SYT7: variants seen among roughly 807,000 people sequenced by gnomAD.
SYT7 encodes synaptotagmin-7.
A neutral mutation model predicts 75.1 loss-of-function variants in SYT7; 29 were observed. That is an observed-to-expected ratio of 0.39 (90% confidence interval 0.29 to 0.53). SYT7 has a LOEUF of 0.53. SYT7 is among the 20% of genes least tolerant of loss of function. The probability of loss-of-function intolerance (pLI) is 0.77; values close to 1 mark genes in which losing one functional copy is unlikely to be tolerated. For synonymous variants in SYT7, 376 were observed against 401.7 expected (o/e 0.94, Z 0.76); for missense variants, 693 against 953.2 (o/e 0.73, Z 3.59).
chr11:61,517,154 G>T lies in SYT7; in HGVS notation c.*1473C>A, dbSNP rs530309912. ...CAGGCCCAGGCTCGTGGACCCCCAG[G>T]ATTGGAGGCTTTGTCACCAGCTGGG... On this transcript the variant is annotated 3_prime_UTR_variant, in exon 13 of 13. Transcript: ENST00000539008. 7.5e-6 allele frequency: 3 copies of T among 397,702 alleles called. No homozygotes were observed. Among genetic ancestry groups the T allele is most frequent in the African/African-American group, 6.2e-5 (3 of 48,628 alleles). The allele number at this position is 397,702 out of a possible 1,614,324, so 24.6% of individuals were successfully genotyped here. A position where few individuals can be genotyped will look rare whatever the true frequency, so the allele number is the denominator to read the frequency against.
chr11:61,537,766 G>A (rs1017397465), intron 7 of SYT7, among the ~76,000 whole-genome samples: 10 of 150,948 alleles, frequency 6.6e-5, no homozygotes, highest in Non-Finnish European at 5.9e-5. Context: ...CATCCCCCCC[G>A]CCCACCAACC....
intron 3 of SYT7, among the ~76,000 whole-genome samples, chr11:61,547,824 C>T (rs1460442100): frequency 1.3e-5 from 2 of 152,192 alleles, no homozygotes; most frequent in Non-Finnish European, 2.9e-5. Flanking sequence ...AAGGAGAAGA[C>T]TGGCTGTAAC....
chr11:61,569,923 A>G (rs1170584312), intron 1 of SYT7, among the ~76,000 whole-genome samples: 1 of 152,182 alleles, frequency 6.6e-6, no homozygotes, highest in Admixed American at 6.5e-5. Flanking sequence ...GCGGGCGGGC[A>G]TGATGGCAGG....
intron 7 of SYT7, among the ~76,000 whole-genome samples, chr11:61,537,342 C>T (rs1464438497): frequency 2.6e-5 from 4 of 152,132 alleles, no homozygotes; most frequent in Admixed American, 2.0e-4. Flanking sequence ...GCGCCCCACC[C>T]CCTCCCTGAG....
chr11:61,584,171 CA>C (rs2064336626), upstream of SYT7, among the ~76,000 whole-genome samples: 1 of 152,076 alleles, frequency 6.6e-6, no homozygotes, highest in East Asian at 1.9e-4. Flanking sequence ...GGGCAGTTCA[CA>C]AGGCCAGGAG....
chr11:61,549,087 G>A (rs957422018), intron 3 of SYT7, among the ~76,000 whole-genome samples: 4 of 152,136 alleles, frequency 2.6e-5, no homozygotes, highest in Non-Finnish European at 5.9e-5. Context: ...CCCTGCGTCA[G>A]GTATAACAAA....
intron 8 of SYT7, 32 bp downstream of exon 8, chr11:61,532,957 C>T (rs1250086057): frequency 1.9e-6 from 3 of 1,610,136 alleles, no homozygotes; most frequent in Admixed American, 3.3e-5. Flanking sequence ...CAGCCCAGTT[C>T]CTTGGAGCAG....
At chr11:61,568,375 A>G (rs2063831649) in intron 1 of SYT7, among the ~76,000 whole-genome samples, 2 of 152,374 alleles carry the variant, frequency 1.3e-5, no homozygotes, top group African/African-American at 4.8e-5. Context: ...AGTCAAGATA[A>G]TAGCCTTCAA....
chr11:61,565,079 C>T (rs2063733006), intron 1 of SYT7, among the ~76,000 whole-genome samples: 1 of 152,158 alleles, frequency 6.6e-6, no homozygotes, highest in African/African-American at 2.4e-5. Flanking sequence ...GCCAGCACGT[C>T]CCCATCCTGA....
intron 1 of SYT7, among the ~76,000 whole-genome samples, chr11:61,565,748 A>G (rs556054386): frequency 6.6e-6 from 1 of 152,352 alleles, no homozygotes; most frequent in South Asian, 2.1e-4. Flanking sequence ...GGCTTCACCC[A>G]GGGTGGGAAC....
upstream of SYT7, among the ~76,000 whole-genome samples, chr11:61,584,448 T>A (rs1020087811): frequency 6.6e-6 from 1 of 151,996 alleles, no homozygotes; most frequent in Non-Finnish European, 1.5e-5. Context: ...TTATTCCTTA[T>A]ACTTTTTGAA....
chr11:61,531,787 G>A (rs1293060129), intron 8 of SYT7, among the ~76,000 whole-genome samples: 9 of 151,434 alleles, frequency 5.9e-5, no homozygotes, highest in African/African-American at 2.2e-4. Context: ...CCAGCTACTC[G>A]GGAGGCTGAG....
chr11:61,513,797 G>C lies in SYT7; in HGVS notation c.*4830C>G, dbSNP rs2062100855. The stretch of plus-strand genomic sequence containing the variant: ...TGCAGACAGGGATCCCTGCCCAGGG[G>C]GCTCACAATCTACACAAGACACGAC... On this transcript the variant is annotated 3_prime_UTR_variant, in exon 13 of 13. Coordinates refer to ENST00000539008, the MANE Select transcript of SYT7 (RefSeq NM_001365809.2). 6.6e-6 allele frequency among the ~76,000 whole-genome samples: 1 copy of C among 151,832 alleles called. No homozygotes were observed. Among genetic ancestry groups the C allele is most frequent in the Non-Finnish European group, 1.5e-5 (1 of 67,934 alleles).
At position 61,542,655 on chromosome 11, in the gene SYT7, G is replaced by A; in HGVS notation, c.573-76C>T. On this transcript the variant is annotated intron_variant, in intron 5 of 12. Coordinates refer to ENST00000539008, the MANE Select transcript of SYT7 (RefSeq NM_001365809.2). The surrounding 1 kb of genome is among the most constrained non-coding windows in gnomAD (Gnocchi z 7.8). ...ACAGTGGAAGAGAAAGAAGCCGAGG[G>A]CCAGGACTAGGAGGCCCCAGTGCAG... 7.0e-7 allele frequency: 1 copy of A among 1,424,844 alleles called. No homozygotes were observed. The allele number at this position is 1,424,844 out of a possible 1,614,324, so 88.3% of individuals were successfully genotyped here. A position where few individuals can be genotyped will look rare whatever the true frequency, so the allele number is the denominator to read the frequency against.
At chr11:61,564,547 C>T (rs1415607340) in intron 1 of SYT7, among the ~76,000 whole-genome samples, 2 of 152,218 alleles carry the variant, frequency 1.3e-5, no homozygotes, top group East Asian at 3.8e-4. Context: ...CAGGAACACG[C>T]AGCAGAAGAG....
At chr11:61,584,318 C>A (rs1198516901), upstream of SYT7, among the ~76,000 whole-genome samples, 6 of 151,264 alleles carry the variant, frequency 4.0e-5, no homozygotes, top group Non-Finnish European at 7.4e-5. Context: ...TCGCTTGAAC[C>A]CGGGAGGTGG....
intron 6 of SYT7, chr11:61,539,748 G>GT (rs1165601188): frequency 6.6e-6 from 1 of 152,146 alleles, no homozygotes; most frequent in Non-Finnish European, 1.5e-5. Context: ...GGGCACGAGG[G>GT]TCTTGGAAAA....
intron 2 of SYT7, among the ~76,000 whole-genome samples, chr11:61,555,172 T>C (rs567830680): frequency 6.6e-6 from 1 of 152,302 alleles, no homozygotes; most frequent in East Asian, 1.9e-4. Flanking sequence ...AGAATGGGGT[T>C]CCCAGAGGTG....
rs2064082325 is a variant in SYT7, at chr11:61,576,507, A to G, written c.31+4283T>C. 6.6e-6 allele frequency among the ~76,000 whole-genome samples: 1 copy of G among 152,204 alleles called. No homozygotes were observed. Among genetic ancestry groups the G allele is most frequent in the Non-Finnish European group, 1.5e-5 (1 of 68,028 alleles). ...CCACCTGTGATGCCACAGTGCTCTG[A>G]GGAGCCATCAAGCCAACTCATTCTC... On this transcript the variant is annotated intron_variant, in intron 1 of 12. Coordinates refer to ENST00000539008, the MANE Select transcript of SYT7 (RefSeq NM_001365809.2). The surrounding 1 kb of genome is among the most constrained non-coding windows in gnomAD (Gnocchi z 4.1).
Sources: gnomAD v4.1 joint callset for allele counts (sites outside exome capture counted in the v4.1 genomes callset) on GRCh38, gnomAD v4.1.1 for gene constraint, Gnocchi (gnomAD v3.1) non-coding constraint, MANE v1.5 for transcripts, NCBI Gene and HGNC (gene_info 2026-07-23, HGNC 2026-07-21) for gene names.